The following KHDRBS2 variants were observed in gnomAD, a reference collection of about 807,000 sequenced individuals.
KHDRBS2 encodes KH domain-containing, RNA-binding, signal transduction-associated protein 2.
KHDRBS2 carries 26 observed loss-of-function variants against 44.3 expected under a neutral mutation model. The observed-to-expected ratio is 0.59, with a 90% confidence interval of 0.43 to 0.81. The LOEUF (loss-of-function observed/expected upper bound fraction) is 0.81, where lower values mean the gene tolerates loss of function less well. Ranked by LOEUF, KHDRBS2 falls within the 40% of genes least tolerant of loss-of-function variation. The pLI is 0.00. For synonymous variants in KHDRBS2, 194 were observed against 151.1 expected (o/e 1.28, Z -2.08); for missense variants, 476 against 433.1 (o/e 1.10, Z -0.88).
At chr6:62,081,538 T>C (rs571169184) in intron 2 of KHDRBS2, among the ~76,000 whole-genome samples, 4 of 152,244 alleles carry the variant, frequency 2.6e-5, no homozygotes, top group African/African-American at 7.2e-5. Context: ...AATGGAATCA[T>C]GCAAAATTAG....
At chr6:61,853,453 T>C (rs1324142069) in intron 6 of KHDRBS2, among the ~76,000 whole-genome samples, 2 of 151,834 alleles carry the variant, frequency 1.3e-5, no homozygotes, top group Non-Finnish European at 2.9e-5. Flanking sequence ...AACCTAGGCA[T>C]AAAAAAAAGA....
chr6:61,919,586 T>G (rs1265012628), intron 4 of KHDRBS2, among the ~76,000 whole-genome samples: 1 of 151,972 alleles, frequency 6.6e-6, no homozygotes, highest in Non-Finnish European at 1.5e-5. Flanking sequence ...TAACTTCTAT[T>G]TGTAGAAACA....
At chr6:61,871,187 C>T (rs1183507563) in intron 6 of KHDRBS2, among the ~76,000 whole-genome samples, 2 of 152,104 alleles carry the variant, frequency 1.3e-5, no homozygotes, top group Admixed American at 1.3e-4. Flanking sequence ...GCTGAAAAAC[C>T]AGCATGAGAA....
chr6:61,554,114 A>G, the KHDRBS2 span, among the ~76,000 whole-genome samples: 80 of 152,212 alleles, frequency 5.3e-4, no homozygotes, highest in African/African-American at 1.9e-3. Context: ...AAGTCTTCCA[A>G]TATTATTGCA....
In KHDRBS2 at chr6:61,732,703, C is replaced by A. The variant is rs1774681519; in HGVS notation, c.872G>T (p.Ser291Ile). ...DDQTYETYDN[S>I]YATQTQSVPE... ...TTACCTTTGTGTTTGGGTCGCATAG[C>A]TGTTATCATAAGTCTCATAGGTCTG... Residue 291 changes from serine to isoleucine, a missense_variant, in exon 7 of 9, where the codon AGC becomes ATC. Ser to Ile is a moderately radical substitution (Grantham distance 142). Coordinates refer to ENST00000281156, the MANE Select transcript of KHDRBS2 (RefSeq NM_152688.4). 1 of 1,609,426 alleles carries A rather than the reference C, an allele frequency of 6.2e-7. No individual in the cohort carries two copies. Among genetic ancestry groups the A allele is most frequent in the South Asian group, 1.1e-5 (1 of 90,970 alleles).
chr6:62,103,178 A>G (rs1335243236), intron 2 of KHDRBS2, among the ~76,000 whole-genome samples: 1 of 152,150 alleles, frequency 6.6e-6, no homozygotes, highest in African/African-American at 2.4e-5. Flanking sequence ...CTTGCAGCCC[A>G]GCTTCCAGGC....
chr6:61,829,287 G>A (rs1376197665), intron 6 of KHDRBS2, among the ~76,000 whole-genome samples: 1 of 152,006 alleles, frequency 6.6e-6, no homozygotes, highest in Non-Finnish European at 1.5e-5. Flanking sequence ...TCAGCTTCCC[G>A]AGTAGCTGGG....
chr6:62,230,507 A>T (rs1223810279), intron 1 of KHDRBS2, among the ~76,000 whole-genome samples: 3 of 152,236 alleles, frequency 2.0e-5, no homozygotes, highest in Non-Finnish European at 4.4e-5. Flanking sequence ...AGCAATATAA[A>T]TAATGGTGGC....
intron 4 of KHDRBS2, among the ~76,000 whole-genome samples, chr6:61,939,620 G>C (rs1310826699): frequency 6.6e-6 from 1 of 152,100 alleles, no homozygotes; most frequent in Admixed American, 6.6e-5. Context: ...AAGAAGAAGT[G>C]GGTATGACCG....
chr6:61,562,469 G>T, the KHDRBS2 span, among the ~76,000 whole-genome samples: 3 of 152,170 alleles, frequency 2.0e-5, no homozygotes, highest in Non-Finnish European at 4.4e-5. Flanking sequence ...CTGTTGAAAA[G>T]AAGGGAAGAG....
intron 1 of KHDRBS2, among the ~76,000 whole-genome samples, chr6:62,218,528 A>G (rs1271182609): frequency 2.0e-5 from 3 of 151,894 alleles, no homozygotes; most frequent in Non-Finnish European, 4.4e-5. Flanking sequence ...AAATATGTAT[A>G]AAGATAAAAT....
chr6:62,122,665 TTA>T (rs1325630518), intron 2 of KHDRBS2, among the ~76,000 whole-genome samples: 1 of 152,028 alleles, frequency 6.6e-6, no homozygotes, highest in Non-Finnish European at 1.5e-5. Flanking sequence ...AGGGCCTGGT[TTA>T]TGAGTGGTGT....
At chr6:61,854,677 T>C (rs1795911336) in intron 6 of KHDRBS2, among the ~76,000 whole-genome samples, 1 of 152,160 alleles carries the variant, frequency 6.6e-6, no homozygotes, top group Non-Finnish European at 1.5e-5. Context: ...GATGATTACA[T>C]AGTGAAACAC....
chr6:61,580,326 A>T, the KHDRBS2 span, among the ~76,000 whole-genome samples: 1 of 152,182 alleles, frequency 6.6e-6, no homozygotes, highest in African/African-American at 2.4e-5. Flanking sequence ...TGTCTAGCTA[A>T]AGGATTGTAA....
At chr6:62,091,414 T>G (rs1478959811) in intron 2 of KHDRBS2, among the ~76,000 whole-genome samples, 1 of 152,166 alleles carries the variant, frequency 6.6e-6, no homozygotes, top group Non-Finnish European at 1.5e-5. Context: ...AGTAATGTGT[T>G]TGAAGCTACA....
At position 62,152,775 on chromosome 6, in the gene KHDRBS2, T is replaced by C. The variant is rs1369912685; in HGVS notation, c.219+24410A>G. Reference sequence around the variant, plus strand: ...GTATAAATTGGTGCAGGCTGCTCTGTGGCTGTCATTCACATACACACACTA... The same window carrying C: ...GTATAAATTGGTGCAGGCTGCTCTGCGGCTGTCATTCACATACACACACTA... On this transcript the variant is annotated intron_variant, in intron 2 of 8. Coordinates refer to ENST00000281156, the MANE Select transcript of KHDRBS2 (RefSeq NM_152688.4). 2.0e-5 allele frequency among the ~76,000 whole-genome samples: 3 copies of C among 152,200 alleles called. No individual in the cohort carries two copies. The East Asian group carries it at 5.8e-4, about 29-fold the overall frequency.
chr6:61,572,190 C>A, the KHDRBS2 span, among the ~76,000 whole-genome samples: 1 of 151,930 alleles, frequency 6.6e-6, no homozygotes, highest in Non-Finnish European at 1.5e-5. Context: ...ACTACAAACA[C>A]CTTTATGAGC....
intron 6 of KHDRBS2, among the ~76,000 whole-genome samples, chr6:61,821,034 T>G (rs189326044): frequency 6.6e-6 from 1 of 152,062 alleles, no homozygotes; most frequent in African/African-American, 2.4e-5. Context: ...AATGACTATG[T>G]AAGCTGAATG....
chr6:61,708,480 A>C (rs1018595023), intron 7 of KHDRBS2, among the ~76,000 whole-genome samples: 4 of 151,558 alleles, frequency 2.6e-5, no homozygotes, highest in Admixed American at 6.6e-5. Flanking sequence ...CATGGGTTTT[A>C]TTAGTATATT....
Sources: gnomAD v4.1 joint callset for allele counts (sites outside exome capture counted in the v4.1 genomes callset) on GRCh38, gnomAD v4.1.1 for gene constraint, MANE v1.5 for transcripts, NCBI Gene and HGNC (gene_info 2026-07-23, HGNC 2026-07-21) for gene names.